Variants in IFT57 observed in about 807,000 individuals in gnomAD.
IFT57 encodes the protein intraflagellar transport protein 57 homolog.
IFT57 carries 59 observed loss-of-function variants against 56.8 expected under a neutral mutation model. The ratio of observed to expected loss-of-function variants is 1.04; its 90% CI spans 0.84 to 1.29. IFT57 has a LOEUF of 1.29. IFT57 is among the 50% of genes most tolerant of loss of function. The pLI is 0.00. For synonymous variants in IFT57, 209 were observed against 186.1 expected, an observed-to-expected ratio of 1.12 and a Z score of -1.00; for missense variants, 470 against 522.1, an observed-to-expected ratio of 0.90 and a Z score of 0.97.
chr3:108,211,477 C>A (rs1036780584), intron 4 of IFT57, among the ~76,000 whole-genome samples: 1 of 152,254 alleles, frequency 6.6e-6, no homozygotes, highest in Non-Finnish European at 1.5e-5. Context: ...CACTTAGGAG[C>A]TCTGGCCCCA....
intron 6 of IFT57, among the ~76,000 whole-genome samples, chr3:108,190,668 G>T (rs1024875243): frequency 6.6e-6 from 1 of 152,102 alleles, no homozygotes; most frequent in Non-Finnish European, 1.5e-5. Flanking sequence ...GTACAAAAAC[G>T]AACTAATACA....
chr3:108,217,727 TAA>T (rs58306903), intron 3 of IFT57, among the ~76,000 whole-genome samples: 4 of 145,492 alleles, frequency 2.7e-5, no homozygotes, highest in East Asian at 4.0e-4. Flanking sequence ...TAGTTCTAAT[TAA>T]AAAAAAAAAA....
At position 108,222,410 on chromosome 3, in the gene IFT57, G is replaced by A. The variant is rs1406574162; in HGVS notation, c.-88C>T. 1 of 1,160,182 alleles carries A rather than the reference G, an allele frequency of 8.6e-7. No individual in the cohort carries two copies. The highest frequency in any genetic ancestry group is 1.2e-6 in the Non-Finnish European group (1 of 848,368). 71.9% of individuals were successfully genotyped at this position (1,160,182 alleles called of 1,614,324 possible). A position where few individuals can be genotyped will look rare whatever the true frequency, so the allele number is the denominator to read the frequency against. On this transcript the variant is annotated 5_prime_UTR_variant, in exon 1 of 11. Coordinates refer to ENST00000264538, the MANE Select transcript of IFT57 (RefSeq NM_018010.4). ...GCCCTGCCGCCGCCAGTACAGCCAC[G>A]ACCGGTTACCAGGCGACCACCGGAC...
At chr3:108,214,795 T>C (rs2080361839) in intron 3 of IFT57, among the ~76,000 whole-genome samples, 2 of 152,310 alleles carry the variant, frequency 1.3e-5, no homozygotes, top group South Asian at 2.1e-4. Context: ...GCTTTTTGTA[T>C]ATTAAGAAAA....
At chr3:108,184,144 C>T (rs2080166170) in intron 6 of IFT57, among the ~76,000 whole-genome samples, 1 of 152,144 alleles carries the variant, frequency 6.6e-6, no homozygotes, top group African/African-American at 2.4e-5. Context: ...TAGGTCATAA[C>T]CGAGGCATTG....
chr3:108,172,947 ATTTGT>A (rs1174632533), intron 6 of IFT57, among the ~76,000 whole-genome samples: 1 of 151,838 alleles, frequency 6.6e-6, no homozygotes, highest in Non-Finnish European at 1.5e-5. Flanking sequence ...AAATCTGAAT[ATTTGT>A]TTTATTAAAA....
At chr3:108,177,868 A>T (rs2080132197) in intron 6 of IFT57, among the ~76,000 whole-genome samples, 1 of 151,790 alleles carries the variant, frequency 6.6e-6, no homozygotes, top group African/African-American at 2.4e-5. Context: ...TAAAAACACA[A>T]AAGGCTCACA....
chr3:108,192,199 G>A (rs200978376), intron 5 of IFT57, among the ~76,000 whole-genome samples: 12,429 of 139,216 alleles, frequency 0.089, 687 homozygotes, highest in Middle Eastern at 0.11. Context: ...AAAAAAAAGG[G>A]AAACACTTAA....
chr3:108,222,058 C>A, intron 1 of IFT57, 53 bp downstream of exon 1: 1 of 1,552,004 alleles, frequency 6.4e-7, no homozygotes, highest in South Asian at 1.2e-5. Context: ...CCAAGGAGGG[C>A]ATCTCCCTGG....
rs375018909 is a variant in IFT57, at chr3:108,215,456, G to A, written c.495-1435C>T. 1.8e-4 allele frequency among the ~76,000 whole-genome samples: 27 copies of A among 152,026 alleles called. No homozygotes were observed. In the East Asian group the frequency reaches 3.1e-3, roughly 17 times the overall value. On this transcript the variant is annotated intron_variant, in intron 3 of 10. Transcript: ENST00000264538. ...TGTGCACCTGTAGTCCCAGCTATGC[G>A]GGAGGCTGAGGTGGGAGGATCGCTT...
intron 1 of IFT57, 173 bp downstream of exon 1, chr3:108,221,938 G>A (rs2080408342): frequency 2.3e-6 from 3 of 1,307,312 alleles, no homozygotes; most frequent in East Asian, 5.2e-5. Flanking sequence ...TCAGGGCTGC[G>A]TGAGCTCCAC....
intron 6 of IFT57, among the ~76,000 whole-genome samples, chr3:108,171,568 T>C (rs1437392723): frequency 6.6e-6 from 1 of 151,848 alleles, no homozygotes; most frequent in Non-Finnish European, 1.5e-5. Context: ...CATTTTATAG[T>C]TGAGGGGACT....
At chr3:108,167,666 C>T (rs940148103) in intron 7 of IFT57, 127 bp downstream of exon 7, 47 of 448,488 alleles carry the variant, frequency 1.0e-4, no homozygotes, top group African/African-American at 1.6e-4. Context: ...AAATGTAACA[C>T]GGTACATTCA....
chr3:108,205,706 G>A (rs2080305467), intron 5 of IFT57, among the ~76,000 whole-genome samples: 2 of 146,702 alleles, frequency 1.4e-5, no homozygotes, highest in African/African-American at 5.0e-5. Flanking sequence ...CTTTCCATAT[G>A]TACTTTTTGA....
intron 4 of IFT57, among the ~76,000 whole-genome samples, chr3:108,210,604 A>G (rs2080338529): frequency 6.6e-6 from 1 of 152,054 alleles, no homozygotes; most frequent in Non-Finnish European, 1.5e-5. Context: ...AAGTGCTGGA[A>G]TTACAGGTGT....
chr3:108,203,975 G>A (rs1036479685), intron 5 of IFT57, among the ~76,000 whole-genome samples: 1 of 152,206 alleles, frequency 6.6e-6, no homozygotes, highest in African/African-American at 2.4e-5. Flanking sequence ...TTGTTCTAGT[G>A]AAGAATTCAT....
chr3:108,200,811 C>G (rs1452103403), intron 5 of IFT57, among the ~76,000 whole-genome samples: 1 of 152,122 alleles, frequency 6.6e-6, no homozygotes, highest in Non-Finnish European at 1.5e-5. Context: ...ATGCAAGCTT[C>G]TTGATAACTT....
chr3:108,165,304 C>T lies in IFT57; in HGVS notation c.1044+127G>A, dbSNP rs190857829. The T allele has an allele frequency of 3.1e-3, 2,097 of 681,778 alleles. 6 individuals are homozygous for T. The highest frequency in any genetic ancestry group is 4.4e-3 in the Non-Finnish European group (1,659 of 377,034). 42.2% of individuals were successfully genotyped at this position (681,778 alleles called of 1,614,324 possible). A position where few individuals can be genotyped will look rare whatever the true frequency, so the allele number is the denominator to read the frequency against. ...CAGTCATAGGAAAATTAGGGATTAT[C>T]TCCTAAAGAAAATGATTTAAAGGCA... is the stretch of plus-strand genomic sequence containing the variant. On this transcript the variant is annotated intron_variant, in intron 9 of 10. Coordinates refer to ENST00000264538, the MANE Select transcript of IFT57 (RefSeq NM_018010.4).
intron 5 of IFT57, among the ~76,000 whole-genome samples, chr3:108,198,642 A>G (rs1333479406): frequency 6.6e-6 from 1 of 152,158 alleles, no homozygotes; most frequent in African/African-American, 2.4e-5. Context: ...GGGTTTCACC[A>G]TGTTGGCCAA....
Sources: allele counts gnomAD v4.1 joint callset (sites outside exome capture counted in the v4.1 genomes callset), GRCh38; gene constraint gnomAD v4.1.1; transcripts MANE v1.5; gene names NCBI Gene and HGNC (gene_info 2026-07-23, HGNC 2026-07-21).